The following GPC6 variants were observed in gnomAD, a reference collection of about 807,000 sequenced individuals.
GPC6 encodes the protein glypican 6.
Under a neutral mutation model 55.2 loss-of-function variants are expected in GPC6, and 14 were observed. That is an observed-to-expected ratio of 0.25 (90% CI 0.17 to 0.40). The LOEUF (loss-of-function observed/expected upper bound fraction) is 0.40. Ranked by LOEUF, GPC6 falls within the 10% of genes least tolerant of loss-of-function variation. The pLI is 1.00. For synonymous variants in GPC6, 278 were observed against 259.6 expected, an observed-to-expected ratio of 1.07 and a Z score of -0.68; for missense variants, 641 against 708.5, an observed-to-expected ratio of 0.90 and a Z score of 1.08.
intron 2 of GPC6, among the ~76,000 whole-genome samples, chr13:93,581,583 T>C (rs1209581542): frequency 6.6e-6 from 1 of 152,132 alleles, no homozygotes; most frequent in Non-Finnish European, 1.5e-5. Context: ...GGTGCACTCC[T>C]GTAGTCTTAG....
At chr13:93,647,692 A>G (rs1880230491) in intron 2 of GPC6, among the ~76,000 whole-genome samples, 1 of 152,194 alleles carries the variant, frequency 6.6e-6, no homozygotes, top group African/African-American at 2.4e-5. Context: ...TGTCACGTCA[A>G]ATCACTTACT....
In GPC6 at chr13:93,969,748, G is replaced by A. The variant is rs115430854; in HGVS notation, c.712-57981G>A. On this transcript the variant is annotated intron_variant, in intron 3 of 8. Transcript: ENST00000377047. ...CTCCCCTCTATTCTTCCTGGCCTCT[G>A]GTAGCCACCATTCTACTCTCTATCC... is the stretch of plus-strand genomic sequence containing the variant. 6.2e-3 allele frequency among the ~76,000 whole-genome samples: 939 copies of A among 151,204 alleles called. 11 individuals are homozygous for A. Among genetic ancestry groups the A allele is most frequent in the African/African-American group, 0.022 (896 of 41,122 alleles).
intron 1 of GPC6, among the ~76,000 whole-genome samples, chr13:93,292,906 A>G (rs1431758557): frequency 6.6e-6 from 1 of 152,240 alleles, no homozygotes; most frequent in Non-Finnish European, 1.5e-5. Context: ...CTCATTGACT[A>G]GCAGGCCTGG....
At chr13:94,375,239 C>CA (rs1427122194) in intron 6 of GPC6, among the ~76,000 whole-genome samples, 3 of 151,608 alleles carry the variant, frequency 2.0e-5, no homozygotes, top group Non-Finnish European at 4.4e-5. Context: ...AATAGAGACA[C>CA]AAAAAATTAA....
intron 2 of GPC6, among the ~76,000 whole-genome samples, chr13:93,773,368 G>A (rs1038367634): frequency 6.6e-6 from 1 of 152,108 alleles, no homozygotes; most frequent in Non-Finnish European, 1.5e-5. Flanking sequence ...GCATCTCAGA[G>A]ACCCCATTGA....
intron 3 of GPC6, among the ~76,000 whole-genome samples, chr13:93,907,532 C>T (rs1480344844): frequency 6.6e-6 from 1 of 152,042 alleles, no homozygotes; most frequent in Non-Finnish European, 1.5e-5. Flanking sequence ...TAACTGTCTG[C>T]AGACAGATCT....
chr13:93,507,459 A>G (rs926850267), intron 1 of GPC6, among the ~76,000 whole-genome samples: 2 of 152,186 alleles, frequency 1.3e-5, no homozygotes. Context: ...ACTTGATATT[A>G]TTACACAACA....
intron 4 of GPC6, among the ~76,000 whole-genome samples, chr13:94,115,101 T>C (rs1886389943): frequency 6.6e-6 from 1 of 152,100 alleles, no homozygotes; most frequent in East Asian, 1.9e-4. Context: ...ACTGAGAAAA[T>C]AGAAAGTGTA....
intron 4 of GPC6, among the ~76,000 whole-genome samples, chr13:94,062,363 G>A (rs368061849): frequency 5.9e-5 from 9 of 152,100 alleles, no homozygotes; most frequent in Non-Finnish European, 1.0e-4. Context: ...CAATTCTCCC[G>A]CCTCAGCCTC....
intron 2 of GPC6, among the ~76,000 whole-genome samples, chr13:93,724,361 G>A (rs1289987612): frequency 6.6e-6 from 1 of 151,934 alleles, no homozygotes; most frequent in Non-Finnish European, 1.5e-5. Context: ...GTGACTCTCA[G>A]CAAAAGCTAT....
chr13:93,543,338 G>A (rs376039335), intron 1 of GPC6, among the ~76,000 whole-genome samples: 16 of 152,022 alleles, frequency 1.1e-4, no homozygotes, highest in Admixed American at 3.3e-4. Flanking sequence ...ATTGATTTGC[G>A]TATATTGAAC....
chr13:93,439,236 A>G (rs1311070482), intron 1 of GPC6, among the ~76,000 whole-genome samples: 1 of 152,096 alleles, frequency 6.6e-6, no homozygotes. Flanking sequence ...TCTACCAGTT[A>G]TGCCTTGATA....
intron 1 of GPC6, among the ~76,000 whole-genome samples, chr13:93,296,319 T>C (rs1362926678): frequency 1.3e-5 from 2 of 152,198 alleles, no homozygotes; most frequent in East Asian, 3.9e-4. Flanking sequence ...TGTCTTTGTT[T>C]AGGTTTTCAT....
intron 2 of GPC6, among the ~76,000 whole-genome samples, chr13:93,822,918 C>T (rs1887107129): frequency 1.3e-5 from 2 of 151,320 alleles, no homozygotes; most frequent in Non-Finnish European, 2.9e-5. Flanking sequence ...GGCTGGAGTG[C>T]AGTGGCACGA....
intron 3 of GPC6, among the ~76,000 whole-genome samples, chr13:93,959,916 C>T (rs1050526014): frequency 8.5e-5 from 13 of 152,154 alleles, no homozygotes; most frequent in Admixed American, 6.5e-4. Flanking sequence ...TCCAGATAAT[C>T]CAATTTCCTT....
chr13:93,434,072 T>G (rs536901695), intron 1 of GPC6, among the ~76,000 whole-genome samples: 11 of 152,318 alleles, frequency 7.2e-5, no homozygotes, highest in African/African-American at 2.4e-4. Flanking sequence ...AGCATATTCC[T>G]CTTCTTCTCT....
At chr13:93,341,867 A>T (rs1301092466) in intron 1 of GPC6, among the ~76,000 whole-genome samples, 1 of 149,586 alleles carries the variant, frequency 6.7e-6, no homozygotes, top group Non-Finnish European at 1.5e-5. Flanking sequence ...TTTTTATGGT[A>T]TCAGGTTTTA....
At position 94,042,576 on chromosome 13, in the gene GPC6, T is replaced by C. The variant is rs116276989; in HGVS notation, c.877+14682T>C. Among the ~76,000 whole-genome samples, 766 of 152,032 alleles carry C rather than the reference T, an allele frequency of 5.0e-3. 11 individuals carry two copies. Among genetic ancestry groups the C allele is most frequent in the African/African-American group, 0.018 (737 of 41,526 alleles). On this transcript the variant is annotated intron_variant, in intron 4 of 8. Transcript: ENST00000377047. ...TCCTTATCTCTTATGACCTTGACAC[T>C]ATTGATAAACACTGATCAGTTACTT...
chr13:93,506,789 C>T (rs1455460166), intron 1 of GPC6, among the ~76,000 whole-genome samples: 1 of 150,286 alleles, frequency 6.7e-6, no homozygotes. Flanking sequence ...ACCTGTAATC[C>T]CGGCACTTTG....
Sources: gnomAD v4.1 joint callset for allele counts (sites outside exome capture counted in the v4.1 genomes callset) on GRCh38, gnomAD v4.1.1 for gene constraint, MANE v1.5 for transcripts, NCBI Gene and HGNC (gene_info 2026-07-23, HGNC 2026-07-21) for gene names.